Variants in COL4A2 observed in about 807,000 individuals in gnomAD.
The protein encoded by COL4A2 is collagen type IV alpha 2 chain, also known as collagen alpha-2(IV) chain.
Under a neutral mutation model 200.2 loss-of-function variants are expected in COL4A2, and 99 were observed. That is an observed-to-expected ratio of 0.49 (90% CI 0.42 to 0.58). COL4A2 has a LOEUF of 0.58. Ranked by LOEUF, COL4A2 falls within the 20% of genes least tolerant of loss-of-function variation. The pLI, the probability that COL4A2 is intolerant of heterozygous loss-of-function variation, is 0.00. For synonymous variants in COL4A2, 897 were observed against 900.6 expected, an observed-to-expected ratio of 1.00 and a Z score of 0.07; for missense variants, 1,950 against 2,314.1, an observed-to-expected ratio of 0.84 and a Z score of 3.23.
At chr13:110,376,208 T>A (rs1878230953) in intron 4 of COL4A2, among the ~76,000 whole-genome samples, 1 of 152,178 alleles carries the variant, frequency 6.6e-6, no homozygotes, top group Non-Finnish European at 1.5e-5. Context: ...TATGTATCAC[T>A]TCTGATCTGA....
intron 16 of COL4A2, among the ~76,000 whole-genome samples, chr13:110,442,827 C>T (rs1277707853): frequency 2.0e-5 from 3 of 151,928 alleles, no homozygotes; most frequent in African/African-American, 7.3e-5. Flanking sequence ...TTTGAAATAA[C>T]TCCACAGAGT....
chr13:110,375,557 C>G (rs148103722), intron 4 of COL4A2, among the ~76,000 whole-genome samples: 1 of 152,142 alleles, frequency 6.6e-6, no homozygotes, highest in African/African-American at 2.4e-5. Flanking sequence ...AGAGCCGGTG[C>G]AGTGTCTCAT....
chr13:110,326,885 A>G (rs1885430157), intron 3 of COL4A2, among the ~76,000 whole-genome samples: 1 of 152,168 alleles, frequency 6.6e-6, no homozygotes, highest in African/African-American at 2.4e-5. Flanking sequence ...GATGGCAGTC[A>G]CCCGCCCGCT....
At chr13:110,425,018 G>A in intron 6 of COL4A2, 21 bp downstream of exon 6, 1 of 1,613,088 alleles carries the variant, frequency 6.2e-7, no homozygotes, top group Non-Finnish European at 8.5e-7. Flanking sequence ...TGGAAGACTG[G>A]AATTTTAAAA....
At chr13:110,340,838 G>A (rs1198988193) in intron 3 of COL4A2, 1 of 152,148 alleles carries the variant, frequency 6.6e-6, no homozygotes, top group Admixed American at 6.5e-5. Context: ...GGGTACTCTC[G>A]GGGCGTTTTC....
At chr13:110,422,453 T>C (rs571402470) in intron 4 of COL4A2, among the ~76,000 whole-genome samples, 2 of 152,304 alleles carry the variant, frequency 1.3e-5, no homozygotes, top group South Asian at 4.1e-4. Context: ...GCTTCTATTG[T>C]AGAATGTTCT....
intron 4 of COL4A2, among the ~76,000 whole-genome samples, chr13:110,384,414 C>T (rs917432650): frequency 7.9e-5 from 12 of 152,192 alleles, no homozygotes; most frequent in African/African-American, 2.9e-4. Flanking sequence ...TCACACTTGT[C>T]CCAAGGGAAC....
intron 4 of COL4A2, among the ~76,000 whole-genome samples, chr13:110,358,875 G>A (rs116554313): frequency 4.1e-4 from 63 of 152,204 alleles, no homozygotes; most frequent in African/African-American, 1.5e-3. Flanking sequence ...AAAATTGAGA[G>A]CAATTTTAAT....
At chr13:110,448,166 CT>C (rs1881400282) in intron 18 of COL4A2, among the ~76,000 whole-genome samples, 1 of 152,310 alleles carries the variant, frequency 6.6e-6, no homozygotes, top group East Asian at 1.9e-4. Flanking sequence ...CATGAGCCCA[CT>C]TTGACTTGAC....
chr13:110,393,368 A>G (rs574926033), intron 4 of COL4A2, among the ~76,000 whole-genome samples: 135 of 152,354 alleles, frequency 8.9e-4, no homozygotes, highest in African/African-American at 3.2e-3. Context: ...ATAAATGGCA[A>G]TACTTGGATG....
At chr13:110,474,676 T>C (rs1882612133) in intron 29 of COL4A2, among the ~76,000 whole-genome samples, 3 of 56,018 alleles carry the variant, frequency 5.4e-5, no homozygotes, top group South Asian at 6.4e-4. Context: ...TCACACTCCT[T>C]ACACACGTAC....
chr13:110,478,026 C>A lies in COL4A2; in HGVS notation c.2449C>A (p.Pro817Thr). 1.9e-6 allele frequency: 3 copies of A among 1,578,702 alleles called. No individual in the cohort carries two copies. Among genetic ancestry groups the A allele is most frequent in the Non-Finnish European group, 2.6e-6 (3 of 1,159,134 alleles). ...AGGAAGCCAAGGGATGCCTGGGATG[C>A]CAGGGCTGAAGGGCCAGCCAGGCCT... The part of the protein sequence containing the change: ...FRGSQGMPGM[P>T]GLKGQPGLPG... Residue 817 changes from proline (P) to threonine (T), a missense_variant, in exon 30 of 48, where the codon CCA (proline) becomes ACA (threonine). Coordinates refer to ENST00000360467, the MANE Select transcript of COL4A2 (RefSeq NM_001846.4).
chr13:110,414,732 A>C (rs1594201135), intron 4 of COL4A2, among the ~76,000 whole-genome samples: 1 of 152,246 alleles, frequency 6.6e-6, no homozygotes. Flanking sequence ...TCTAATTTCA[A>C]ATGGCTATCA....
intron 4 of COL4A2, among the ~76,000 whole-genome samples, chr13:110,382,674 A>C (rs1242789856): frequency 6.6e-6 from 1 of 152,250 alleles, no homozygotes; most frequent in Non-Finnish European, 1.5e-5. Flanking sequence ...CAATTTTGAA[A>C]GAGGAATTTG....
rs779713302 is a variant in COL4A2 at position 110,504,292 on chromosome 13, C to T, written c.4402+28C>T. 4 of 1,542,142 alleles carry T rather than the reference C, an allele frequency of 2.6e-6. No homozygotes were observed. The East Asian group carries it at 6.7e-5, about 26-fold the overall frequency. On this transcript the variant is annotated intron_variant, in intron 45 of 47. Coordinates refer to ENST00000360467, the MANE Select transcript of COL4A2 (RefSeq NM_001846.4). ...GAGTGACAGTGGGGAAGGACCTTCCCAGGTCCTAGTGCTCTGGATCTGACT... is the reference window on the plus strand; with the variant it reads ...GAGTGACAGTGGGGAAGGACCTTCCTAGGTCCTAGTGCTCTGGATCTGACT...
chr13:110,308,212 C>A, intron 3 of COL4A2, 89 bp downstream of exon 3: 1 of 1,459,042 alleles, frequency 6.9e-7, no homozygotes, highest in Middle Eastern at 1.8e-4. Context: ...CGTCCGTGCG[C>A]TCCCGAGTGT....
At chr13:110,484,404 A>G (rs1883040358) in intron 32 of COL4A2, among the ~76,000 whole-genome samples, 1 of 151,992 alleles carries the variant, frequency 6.6e-6, no homozygotes, top group South Asian at 2.1e-4. Flanking sequence ...CCCGGCCCGC[A>G]GCTCTGGGCC....
chr13:110,388,270 CCAGG>C (rs1878842496), intron 4 of COL4A2, among the ~76,000 whole-genome samples: 2 of 152,214 alleles, frequency 1.3e-5, no homozygotes, highest in Admixed American at 1.3e-4. Context: ...CCAGCCGCAG[CCAGG>C]CAGCTGCCGG....
chr13:110,372,506 T>C (rs1014674106), intron 4 of COL4A2, among the ~76,000 whole-genome samples: 6 of 152,238 alleles, frequency 3.9e-5, no homozygotes, highest in Non-Finnish European at 7.3e-5. Context: ...GTTATGCTAT[T>C]GTTTCAAATC....
Sources: gnomAD v4.1 joint callset for allele counts (sites outside exome capture counted in the v4.1 genomes callset) on GRCh38, gnomAD v4.1.1 for gene constraint, MANE v1.5 for transcripts, NCBI Gene and HGNC (gene_info 2026-07-23, HGNC 2026-07-21) for gene names.